The following NOSIP variants were observed in gnomAD, a reference collection of about 807,000 sequenced individuals.
NOSIP encodes nitric oxide synthase interacting protein, also known as nitric oxide synthase-interacting protein.
Under a neutral mutation model 36.4 loss-of-function variants are expected in NOSIP, and 25 were observed. That is an observed-to-expected ratio of 0.69 (90% CI 0.50 to 0.96). The LOEUF (loss-of-function observed/expected upper bound fraction) is 0.96, where lower values mean the gene tolerates loss of function less well. Ranked by LOEUF, NOSIP falls within the 40% of genes least tolerant of loss-of-function variation. NOSIP has a pLI of 0.00. For missense variants in NOSIP, 370 were observed against 429.0 expected (o/e 0.86, Z 1.21); for synonymous variants, 187 against 179.2 (o/e 1.04, Z -0.35).
chr19:49,555,747 A>T lies in NOSIP; in HGVS notation c.*4T>A. On this transcript the variant is annotated 3_prime_UTR_variant, in exon 9 of 9. Transcript: ENST00000596358. ...AGCCGGTTTATTTGGTCTCCCGCAC[A>T]CACTCAGGCCTGCATCACCGGCCGT... is the stretch of plus-strand genomic sequence containing the variant. 1 of 1,612,920 alleles carries T rather than the reference A, an allele frequency of 6.2e-7. No individual in the cohort carries two copies. The highest frequency in any genetic ancestry group is 8.5e-7 in the Non-Finnish European group (1 of 1,179,308).
intron 1 of NOSIP, among the ~76,000 whole-genome samples, chr19:49,568,796 T>TTG (rs2080444263): frequency 1.0e-5 from 1 of 97,804 alleles, no homozygotes; most frequent in Non-Finnish European, 1.7e-5. Flanking sequence ...AAAAAAAAAA[T>TTG]AGTTTGTTTG....
chr19:49,580,038 G>A (rs188793066), intron 1 of NOSIP, among the ~76,000 whole-genome samples: 139 of 151,330 alleles, frequency 9.2e-4, no homozygotes, highest in Middle Eastern at 3.4e-3. Context: ...AAGGGAAGGG[G>A]CTGTCAAAAA....
chr19:49,565,054 T>C (rs976700198), intron 1 of NOSIP, among the ~76,000 whole-genome samples: 30 of 152,016 alleles, frequency 2.0e-4, no homozygotes, highest in African/African-American at 6.5e-4. Flanking sequence ...GGCAGGAGGA[T>C]TGTTTGAGCC....
intron 1 of NOSIP, among the ~76,000 whole-genome samples, chr19:49,569,252 G>T (rs1031485917): frequency 6.9e-6 from 1 of 144,782 alleles, no homozygotes; most frequent in Non-Finnish European, 1.5e-5. Flanking sequence ...AGGCTGGAGC[G>T]CAGTGGCACA....
At chr19:49,574,244 G>C (rs777239097) in intron 1 of NOSIP, among the ~76,000 whole-genome samples, 1 of 152,152 alleles carries the variant, frequency 6.6e-6, no homozygotes, top group South Asian at 2.1e-4. Flanking sequence ...CCAGCCTCAG[G>C]GGGGCTTTTC....
Position 49,560,471 on chromosome 19 carries a change from C to T in NOSIP, c.70+151G>A. On this transcript the variant is annotated intron_variant, in intron 2 of 8. Coordinates refer to ENST00000596358, the MANE Select transcript of NOSIP (RefSeq NM_001270960.2). This position sits in a 1 kb window ranked among gnomAD's most constrained non-coding sequence, Gnocchi z 4.6. ...GCCGGGCCACATGGGGTCATGGGATCACCCAGCTGTTGTTTACATGGTCAT... is the reference window on the plus strand; with the variant it reads ...GCCGGGCCACATGGGGTCATGGGATTACCCAGCTGTTGTTTACATGGTCAT... 1 of 649,940 alleles carries T rather than the reference C, an allele frequency of 1.5e-6. No individual in the cohort carries two copies. Among genetic ancestry groups the T allele is most frequent in the African/African-American group, 1.8e-5 (1 of 56,156 alleles). The allele number at this position is 649,940 out of a possible 1,614,324, so 40.3% of individuals were successfully genotyped here.
At chr19:49,574,242 A>G (rs979307035) in intron 1 of NOSIP, among the ~76,000 whole-genome samples, 2 of 152,140 alleles carry the variant, frequency 1.3e-5, no homozygotes, top group African/African-American at 4.8e-5. Context: ...AACCAGCCTC[A>G]GGGGGGCTTT....
intron 3 of NOSIP, 163 bp from the exon 4 acceptor site, chr19:49,559,141 T>C (rs2080297057): frequency 3.1e-6 from 2 of 653,592 alleles, no homozygotes; most frequent in African/African-American, 3.6e-5. Flanking sequence ...TGGTGATAGT[T>C]TACTGCAGTG....
In NOSIP at chr19:49,555,686, C is replaced by A; in HGVS notation, c.*65G>T. On this transcript the variant is annotated 3_prime_UTR_variant, in exon 9 of 9. Transcript: ENST00000596358. ...GCCTGCCCTGTCCCCGGGGCGCCCA[C>A]GCCGCGAATGAAGGCGCCACGTCGT... 7.0e-7 allele frequency: 1 copy of A among 1,423,268 alleles called. No individual in the cohort carries two copies. The highest frequency in any genetic ancestry group is 9.9e-7 in the Non-Finnish European group (1 of 1,011,080). 88.2% of individuals were successfully genotyped at this position (1,423,268 alleles called of 1,614,324 possible).
In NOSIP at chr19:49,559,968, G is replaced by C; in HGVS notation, c.142C>G (p.Leu48Val). 1 of 1,613,776 alleles carries C rather than the reference G, an allele frequency of 6.2e-7. No individual in the cohort carries two copies. The highest frequency in any genetic ancestry group is 8.5e-7 in the Non-Finnish European group (1 of 1,179,802). ...GGATCGTGGCAAGGCTGCAGGGAGA[G>C]ACAACAGCAGTCGAAGTCCTTCACG... ...DAVKDFDCCC[L>V]SLQPCHDPVV... Residue 48 changes from leucine (L) to valine (V), a missense_variant, in exon 3 of 9, where the codon CTC (leucine) becomes GTC (valine). Physicochemically the swap from Leu to Val is conservative, Grantham distance 32. Coordinates refer to ENST00000596358, the MANE Select transcript of NOSIP (RefSeq NM_001270960.2).
intron 1 of NOSIP, among the ~76,000 whole-genome samples, chr19:49,569,613 GC>G (rs1287157155): frequency 6.7e-6 from 1 of 149,382 alleles, no homozygotes; most frequent in Non-Finnish European, 1.5e-5. Flanking sequence ...TTTGAGACCA[GC>G]CTGGCCAACA....
intron 1 of NOSIP, among the ~76,000 whole-genome samples, chr19:49,564,470 A>AC (rs1241393151): frequency 2.0e-5 from 3 of 151,356 alleles, no homozygotes; most frequent in South Asian, 2.1e-4. Flanking sequence ...AAAAAAAAAA[A>AC]AAAAAACAAA....
chr19:49,556,251 G>T, intron 8 of NOSIP, 66 bp downstream of exon 8: 1 of 918,964 alleles, frequency 1.1e-6, no homozygotes, highest in Non-Finnish European at 1.6e-6. Flanking sequence ...ACGAAGCCTT[G>T]GAGGGGGTGA....
chr19:49,571,522 G>A (rs948642440), intron 1 of NOSIP, among the ~76,000 whole-genome samples: 2 of 152,134 alleles, frequency 1.3e-5, no homozygotes, highest in Non-Finnish European at 2.9e-5. Flanking sequence ...GAGCAGGAGC[G>A]ACCGATGTCA....
At chr19:49,570,851 G>C (rs1240772729) in intron 1 of NOSIP, among the ~76,000 whole-genome samples, 1 of 152,098 alleles carries the variant, frequency 6.6e-6, no homozygotes, top group Non-Finnish European at 1.5e-5. Context: ...TGGGCACCTC[G>C]GCTTTCCCAG....
Position 49,557,227 on chromosome 19 carries a change from G to T in NOSIP, c.281C>A (p.Thr94Asn). Residue 94 changes from threonine (T) to asparagine (N), a missense_variant, in exon 5 of 9, where the codon ACC (threonine) becomes AAC (asparagine). Physicochemically the swap from Thr to Asn is moderately conservative, Grantham distance 65. This residue lies in a region of NOSIP where 315 missense variants were observed against 331.9 expected (regional missense o/e 0.95). Coordinates refer to ENST00000596358, the MANE Select transcript of NOSIP (RefSeq NM_001270960.2). ...QMKAYEKQRG[T>N]RREEQKELQR... ...AAGCTCCTTCTGCTCCTCGCGCCGG[G>T]TGCCCCGCTGCTTCTCGTAGGCCTG... The T allele has an allele frequency of 6.3e-7, 1 of 1,593,606 alleles. No individual in the cohort carries two copies. Among genetic ancestry groups the T allele is most frequent in the Non-Finnish European group, 8.5e-7 (1 of 1,170,914 alleles).
intron 1 of NOSIP, among the ~76,000 whole-genome samples, chr19:49,563,589 G>A (rs2080364300): frequency 6.6e-6 from 1 of 151,900 alleles, no homozygotes; most frequent in Non-Finnish European, 1.5e-5. Context: ...CGCCTCTTGG[G>A]TTCAAGCAAT....
chr19:49,575,176 T>C (rs1054457708), intron 1 of NOSIP, among the ~76,000 whole-genome samples: 3 of 152,118 alleles, frequency 2.0e-5, no homozygotes, highest in Non-Finnish European at 4.4e-5. Flanking sequence ...TTTTTGTATT[T>C]TTAGTAGAGA....
At chr19:49,572,428 T>TG (rs2080497541) in intron 1 of NOSIP, among the ~76,000 whole-genome samples, 1 of 138,344 alleles carries the variant, frequency 7.2e-6, no homozygotes, top group Non-Finnish European at 1.5e-5. Flanking sequence ...TTTTTTTTTT[T>TG]GAGACAGAGT....
Sources: gnomAD v4.1 joint callset for allele counts (sites outside exome capture counted in the v4.1 genomes callset) on GRCh38, gnomAD v4.1.1 for gene constraint, gnomAD v4.1.1 regional missense constraint, Gnocchi (gnomAD v3.1) non-coding constraint, MANE v1.5 for transcripts, NCBI Gene and HGNC (gene_info 2026-07-23, HGNC 2026-07-21) for gene names.